ITGB5: variants seen among roughly 807,000 people sequenced by gnomAD.
The protein encoded by ITGB5 is integrin beta-5.
In ITGB5, 38 loss-of-function variants were observed where a neutral mutation model predicts 84.8. The ratio of observed to expected loss-of-function variants is 0.45; its 90% CI spans 0.35 to 0.59. The LOEUF is 0.59. ITGB5 is among the 20% of genes least tolerant of loss of function. The pLI is 0.01. For missense variants in ITGB5, 905 were observed against 1,034.5 expected (o/e 0.87, Z 1.72); for synonymous variants, 393 against 414.4 (o/e 0.95, Z 0.63).
rs1934857893 is a variant in ITGB5 at position 124,887,086 on chromosome 3, A to AGGGCCGG, written c.-93_-87dup. ...GGCTGGGGCCGGAGCGCGGGGGCCGAGGGCCGGGGGCCGCAGCCGCATGCC... is the reference window on the plus strand; with the variant it reads ...GGCTGGGGCCGGAGCGCGGGGGCCGAGGGCCGGGGGCCGGGGGCCGCAGCCGCATGCC... On this transcript the variant is annotated 5_prime_UTR_variant, in exon 1 of 15. An upstream open reading frame in the 5' UTR loses its in-frame stop. Coordinates refer to ENST00000296181, the MANE Select transcript of ITGB5 (RefSeq NM_002213.5). The AGGGCCGG allele has an allele frequency of 2.3e-6, 1 of 431,376 alleles. No homozygotes were observed. Among genetic ancestry groups the AGGGCCGG allele is most frequent in the Non-Finnish European group, 3.1e-6 (1 of 325,776 alleles). The allele number at this position is 431,376 out of a possible 1,614,324, so 26.7% of individuals were successfully genotyped here. A position where few individuals can be genotyped will look rare whatever the true frequency, so the allele number is the denominator to read the frequency against.
At chr3:124,871,217 C>T (rs1203841177) in intron 2 of ITGB5, among the ~76,000 whole-genome samples, 1 of 151,580 alleles carries the variant, frequency 6.6e-6, no homozygotes, top group Non-Finnish European at 1.5e-5. Context: ...TTTTTTGAGA[C>T]AGAGTCTCGC....
intron 7 of ITGB5, among the ~76,000 whole-genome samples, chr3:124,819,510 T>C (rs1489589323): frequency 2.0e-5 from 3 of 152,240 alleles, no homozygotes; most frequent in African/African-American, 7.2e-5. Flanking sequence ...TTCATGCTAT[T>C]TTCAAGGTTT....
chr3:124,891,972 T>G (rs1935011089), upstream of ITGB5, among the ~76,000 whole-genome samples: 1 of 143,872 alleles, frequency 7.0e-6, no homozygotes, highest in African/African-American at 2.6e-5. Flanking sequence ...AGGGAGGGAG[T>G]GAGGAAGAGA....
At chr3:124,888,854 C>T (rs1191089544), upstream of ITGB5, among the ~76,000 whole-genome samples, 1 of 152,182 alleles carries the variant, frequency 6.6e-6, no homozygotes, top group Non-Finnish European at 1.5e-5. Flanking sequence ...TGGATGTTAA[C>T]CTTTATTTCT....
At chr3:124,786,583 C>T (rs1236150414) in intron 10 of ITGB5, among the ~76,000 whole-genome samples, 2 of 152,090 alleles carry the variant, frequency 1.3e-5, no homozygotes, top group Non-Finnish European at 2.9e-5. Flanking sequence ...AGCAGGTTCC[C>T]TCCTCTGGGT....
chr3:124,766,292 C>T lies in ITGB5; in HGVS notation c.2071G>A (p.Val691Ile), dbSNP rs762359769. The change falls in exon 13 of 15, where the codon GTC becomes ATC. Residue 691 changes from valine to isoleucine, a missense_variant. By Grantham distance (29) the Val-to-Ile change is conservative (BLOSUM62 3). Around this residue, in one of 3 missense-constraint regions of ITGB5, gnomAD observed 116 missense variants for 177.0 expected, o/e 0.66. Coordinates refer to ENST00000296181, the MANE Select transcript of ITGB5 (RefSeq NM_002213.5). ...AGCTCCACATAGGTGAACATCATGA[C>T]GCAGTCCTTGGCGGTTTTGTAGAAA... ...LCFYKTAKDC[V>I]MMFTYVELPS... 78 of 1,614,002 alleles carry T rather than the reference C, an allele frequency of 4.8e-5. No homozygotes were observed. The highest frequency in any genetic ancestry group is 1.2e-4 in the Admixed American group (7 of 60,002).
At chr3:124,836,676 C>T (rs1306166848) in intron 5 of ITGB5, among the ~76,000 whole-genome samples, 2 of 152,144 alleles carry the variant, frequency 1.3e-5, no homozygotes, top group Non-Finnish European at 2.9e-5. Flanking sequence ...CAACCCTTAT[C>T]AGAGTCCTAC....
intron 5 of ITGB5, among the ~76,000 whole-genome samples, chr3:124,830,130 G>A (rs2064838758): frequency 6.6e-6 from 1 of 152,218 alleles, no homozygotes; most frequent in Non-Finnish European, 1.5e-5. Flanking sequence ...TCACTAGTTT[G>A]AGGACGCAAG....
At chr3:124,864,820 C>CCCTCTG (rs2065362784) in intron 2 of ITGB5, among the ~76,000 whole-genome samples, 1 of 152,166 alleles carries the variant, frequency 6.6e-6, no homozygotes, top group African/African-American at 2.4e-5. Flanking sequence ...AGTTTCAGAT[C>CCCTCTG]CCAGAGACCT....
At chr3:124,856,408 A>C (rs2065223230) in intron 3 of ITGB5, among the ~76,000 whole-genome samples, 2 of 152,246 alleles carry the variant, frequency 1.3e-5, no homozygotes, top group African/African-American at 4.8e-5. Flanking sequence ...CTTGGAGAGA[A>C]CACCACAGGC....
chr3:124,842,063 T>A (rs2065018407), intron 4 of ITGB5, among the ~76,000 whole-genome samples: 1 of 152,248 alleles, frequency 6.6e-6, no homozygotes, highest in South Asian at 2.1e-4. Context: ...ATCCACTCAG[T>A]GACCAGGATG....
At chr3:124,772,698 A>G (rs2063863598) in intron 11 of ITGB5, among the ~76,000 whole-genome samples, 1 of 152,086 alleles carries the variant, frequency 6.6e-6, no homozygotes, top group African/African-American at 2.4e-5. Context: ...CTGGTGGAGC[A>G]TGCGGGGCTG....
In ITGB5 at chr3:124,859,456, G is replaced by C; in HGVS notation, c.157-10C>G. On this transcript the variant is annotated splice_polypyrimidine_tract_variant and intron_variant, in intron 2 of 14. Transcript: ENST00000296181. Reference sequence around the variant, plus strand: ...GTGGGCTTCCGAAGTCCTAGGCAGGGAAAAAGAGGAAGAGAGCAGGAGGTG... The same window carrying C: ...GTGGGCTTCCGAAGTCCTAGGCAGGCAAAAAGAGGAAGAGAGCAGGAGGTG... The C allele has an allele frequency of 6.2e-7, 1 of 1,608,594 alleles. No individual in the cohort carries two copies. Among genetic ancestry groups the C allele is most frequent in the South Asian group, 1.1e-5 (1 of 90,604 alleles).
chr3:124,847,194 C>T (rs1303674306), intron 4 of ITGB5, among the ~76,000 whole-genome samples: 2 of 152,190 alleles, frequency 1.3e-5, no homozygotes, highest in Non-Finnish European at 2.9e-5. Context: ...TATCTCATGA[C>T]TAGTTTTGGA....
intron 5 of ITGB5, among the ~76,000 whole-genome samples, chr3:124,830,511 T>C (rs903362829): frequency 7.2e-5 from 11 of 152,180 alleles, no homozygotes; most frequent in African/African-American, 2.7e-4. Flanking sequence ...AAAGCACCAA[T>C]GGATGACTGT....
intron 1 of ITGB5, among the ~76,000 whole-genome samples, chr3:124,893,277 G>A (rs762602346): frequency 2.0e-5 from 3 of 151,920 alleles, no homozygotes; most frequent in Non-Finnish European, 2.9e-5. Context: ...ATGTGGTGGC[G>A]TGCTCCTGTA....
In ITGB5 at chr3:124,796,798, A is replaced by T; in HGVS notation, c.1283T>A (p.Leu428Ter). ...TCTGCTGGGACAGCTTCGGGCCTCC[A>T]ATGATACTTCAAAAGATGCCTGGGC... ...IGDTASFEVS[L>*]EARSCPSRHT... Residue 428 changes from leucine (L) to a stop codon, truncating the protein, a stop_gained, in exon 10 of 15, where the codon TTG becomes TAG. Transcript: ENST00000296181. LOFTEE classifies it high-confidence loss of function. The T allele has an allele frequency of 6.2e-7, 1 of 1,605,492 alleles. No homozygotes were observed. Among genetic ancestry groups the T allele is most frequent in the South Asian group, 1.1e-5 (1 of 90,240 alleles).
chr3:124,886,928 T>C lies in ITGB5; in HGVS notation c.70+3A>G. 1 of 1,209,518 alleles carries C rather than the reference T, an allele frequency of 8.3e-7. No individual in the cohort carries two copies. Among genetic ancestry groups the C allele is most frequent in the Non-Finnish European group, 1.0e-6 (1 of 973,668 alleles). The allele number at this position is 1,209,518 out of a possible 1,614,324, so 74.9% of individuals were successfully genotyped here. ...TCTGGGCGCCGTGGGCGGCGCGGCT[T>C]ACCTGCGAGCCGGGGCAGGAGCGCG... On this transcript the variant is annotated splice_donor_region_variant and intron_variant, in intron 1 of 14. Transcript: ENST00000296181.
intron 1 of ITGB5, among the ~76,000 whole-genome samples, chr3:124,899,269 C>T (rs912976024): frequency 6.6e-6 from 1 of 152,074 alleles, no homozygotes; most frequent in Non-Finnish European, 1.5e-5. Context: ...TTAATTTTTA[C>T]ATTCAATAAA....
Sources: gnomAD v4.1 joint callset for allele counts (sites outside exome capture counted in the v4.1 genomes callset) on GRCh38, gnomAD v4.1.1 for gene constraint, gnomAD v4.1.1 regional missense constraint, MANE v1.5 for transcripts, NCBI Gene and HGNC (gene_info 2026-07-23, HGNC 2026-07-21) for gene names.